NDFIP1: variants seen among roughly 807,000 people sequenced by gnomAD.
NDFIP1 encodes the protein Nedd4 family interacting protein 1.
In NDFIP1, 7 loss-of-function variants were observed where a neutral mutation model predicts 28.8. The ratio of observed to expected loss-of-function variants is 0.24; its 90% CI spans 0.14 to 0.46. NDFIP1 has a LOEUF of 0.46. NDFIP1 is among the 20% of genes least tolerant of loss of function. The probability of loss-of-function intolerance (pLI) is 0.99; values close to 1 mark genes in which losing one functional copy is unlikely to be tolerated. For missense variants in NDFIP1, 194 were observed against 269.1 expected (o/e 0.72, Z 1.95); for synonymous variants, 92 against 101.0 (o/e 0.91, Z 0.53).
At chr5:142,122,510 A>G (rs1757131252) in intron 1 of NDFIP1, among the ~76,000 whole-genome samples, 1 of 152,196 alleles carries the variant, frequency 6.6e-6, no homozygotes, top group Admixed American at 6.5e-5. Context: ...TGTTGGACAT[A>G]TAACTAGGAG....
At chr5:142,119,030 A>G (rs1006635975) in intron 1 of NDFIP1, among the ~76,000 whole-genome samples, 11 of 152,208 alleles carry the variant, frequency 7.2e-5, no homozygotes, top group African/African-American at 2.7e-4. Context: ...CATTGCTTTT[A>G]GGCCTTCTAA....
At position 142,153,867 on chromosome 5, in the gene NDFIP1, C is replaced by T. The variant is rs1002241807; in HGVS notation, c.*2139C>T. On this transcript the variant is annotated 3_prime_UTR_variant, in exon 8 of 8. Coordinates refer to ENST00000253814, the MANE Select transcript of NDFIP1 (RefSeq NM_030571.4). The stretch of plus-strand genomic sequence containing the variant: ...GCCTTATTTGGTTTTGTATATTCAA[C>T]GAACTGAAATATTTGGAATTCCTAT... 3 of 152,900 alleles carry T rather than the reference C, an allele frequency of 2.0e-5. No individual in the cohort carries two copies. The highest frequency in any genetic ancestry group is 3.7e-4 in the East Asian group (2 of 5,360). 9.5% of individuals were successfully genotyped at this position (152,900 alleles called of 1,614,324 possible).
intron 2 of NDFIP1, 40 bp downstream of exon 2, chr5:142,131,935 C>A: frequency 1.4e-6 from 2 of 1,470,294 alleles, no homozygotes; most frequent in African/African-American, 1.4e-5. Flanking sequence ...TCCTTAAAAA[C>A]ACTCTGTGCT....
chr5:142,132,258 T>A lies in NDFIP1; in HGVS notation c.198T>A (p.Ser66=). The A allele has an allele frequency of 6.2e-7, 1 of 1,614,176 alleles. No homozygotes were observed. The highest frequency in any genetic ancestry group is 8.5e-7 in the Non-Finnish European group (1 of 1,180,014). The change falls in exon 3 of 8, where the codon TCT becomes TCA. Residue 66 remains serine, a synonymous_variant. Transcript: ENST00000253814. ...KDESGFPKPP[S]YNVATTLPSY... ...AGTCTGGGTTTCCAAAGCCCCCATC[T>A]TACAATGTAGCTACAACACTGCCCA...
At chr5:142,144,792 C>A in intron 7 of NDFIP1, 116 bp downstream of exon 7, 1 of 597,986 alleles carries the variant, frequency 1.7e-6, no homozygotes, top group Non-Finnish European at 2.9e-6. Flanking sequence ...GTAAAGAAGG[C>A]ACAGTCCCTG....
rs1757464804 is a variant in NDFIP1, at chr5:142,153,125, G to A, written c.*1397G>A. ...ATGTTCTCATTTGTTCTTTTTCTCA[G>A]TTGAATGCACCAACTGGTTTGAGTC... On this transcript the variant is annotated 3_prime_UTR_variant, in exon 8 of 8. Transcript: ENST00000253814. 1 of 356,946 alleles carries A rather than the reference G, an allele frequency of 2.8e-6. No homozygotes were observed. Among genetic ancestry groups the A allele is most frequent in the Non-Finnish European group, 5.5e-6 (1 of 181,358 alleles). The allele number at this position is 356,946 out of a possible 1,614,324, so 22.1% of individuals were successfully genotyped here. A position where few individuals can be genotyped will look rare whatever the true frequency, so the allele number is the denominator to read the frequency against.
Position 142,144,628 on chromosome 5 carries a change from A to C in NDFIP1, c.620A>C (p.Glu207Ala), listed in dbSNP as rs1757369683. The change falls in exon 7 of 8, where the codon GAA (glutamate) becomes GCA (alanine). Residue 207 changes from glutamate (E) to alanine (A), a missense_variant. Coordinates refer to ENST00000253814, the MANE Select transcript of NDFIP1 (RefSeq NM_030571.4). Reference protein sequence around the residue: ...INYAKVRKMPETFSNLPRTRV... With the variant: ...INYAKVRKMPATFSNLPRTRV... ...TATGCAAAAGTTCGGAAGATGCCAG[A>C]AACTTTCTCAAATCTCCCCAGGACC... 3 of 1,613,126 alleles carry C rather than the reference A, an allele frequency of 1.9e-6. No individual in the cohort carries two copies. The highest frequency in any genetic ancestry group is 1.3e-5 in the African/African-American group (1 of 74,906).
At chr5:142,127,273 C>T (rs13158902) in intron 1 of NDFIP1, among the ~76,000 whole-genome samples, 2 of 152,168 alleles carry the variant, frequency 1.3e-5, no homozygotes, top group East Asian at 3.9e-4. Flanking sequence ...ACCTCAGCCT[C>T]CCAAAGTGCT....
At chr5:142,140,293 A>G (rs1327483594) in intron 5 of NDFIP1, among the ~76,000 whole-genome samples, 10 of 152,008 alleles carry the variant, frequency 6.6e-5, no homozygotes, top group African/African-American at 2.4e-4. Context: ...TACTAAAAAT[A>G]TAAAGTTAGC....
In NDFIP1 at chr5:142,125,727, C is replaced by T. The variant is rs544534083; in HGVS notation, c.64-6081C>T. 2.0e-5 allele frequency among the ~76,000 whole-genome samples: 3 copies of T among 152,314 alleles called. No homozygotes were observed. The East Asian group carries it at 5.8e-4, about 29-fold the overall frequency. ...GCAGCTGTACCATTTTACATTCCCACCAGCAGTGTATTAGAGTTCCCGTTT... is the reference window on the plus strand; with the variant it reads ...GCAGCTGTACCATTTTACATTCCCATCAGCAGTGTATTAGAGTTCCCGTTT... On this transcript the variant is annotated intron_variant, in intron 1 of 7. Coordinates refer to ENST00000253814, the MANE Select transcript of NDFIP1 (RefSeq NM_030571.4).
chr5:142,118,403 A>G (rs898700250), intron 1 of NDFIP1, among the ~76,000 whole-genome samples: 3 of 151,954 alleles, frequency 2.0e-5, no homozygotes, highest in East Asian at 1.9e-4. Flanking sequence ...ATGTCCCTCA[A>G]TTGGGGTTTG....
chr5:142,135,585 T>A (rs180877932), intron 3 of NDFIP1, 145 bp from the exon 4 acceptor site: 1 of 574,196 alleles, frequency 1.7e-6, no homozygotes, highest in African/African-American at 1.9e-5. Context: ...CAAAATGGAA[T>A]TTTAAACACA....
intron 6 of NDFIP1, chr5:142,142,940 A>AAAAAAAAAAATATATATATATAT (rs60076432): frequency 2.6e-5 from 1 of 38,148 alleles, no homozygotes; most frequent in Non-Finnish European, 4.4e-5. Context: ...AAAAAAAAAA[A>AAAAAAAAAAATATATATATATAT]ATATATATAT....
chr5:142,128,434 A>G (rs1345308385), intron 1 of NDFIP1, among the ~76,000 whole-genome samples: 1 of 152,200 alleles, frequency 6.6e-6, no homozygotes. Flanking sequence ...TCTAGCGCAC[A>G]TGGTTCCTCC....
rs571026555 is a variant in NDFIP1, at chr5:142,123,058, G to T, written c.64-8750G>T. Among the ~76,000 whole-genome samples the T allele has an allele frequency of 2.0e-5, 3 of 152,022 alleles. No individual in the cohort carries two copies. In the South Asian group the frequency reaches 6.2e-4, roughly 32 times the overall value. On this transcript the variant is annotated intron_variant, in intron 1 of 7. Coordinates refer to ENST00000253814, the MANE Select transcript of NDFIP1 (RefSeq NM_030571.4). ...GCTCACTGCAACCTCTACCTCCCAG[G>T]TTGCAGTGATTCTCGTGCCTCAGCC...
At chr5:142,140,479 A>G (rs1304519383) in intron 5 of NDFIP1, 84 bp from the exon 6 acceptor site, 19 of 1,040,048 alleles carry the variant, frequency 1.8e-5, no homozygotes, top group Non-Finnish European at 2.7e-5. Context: ...TAAGTCTTGC[A>G]TTTTGTGATT....
intron 1 of NDFIP1, among the ~76,000 whole-genome samples, chr5:142,126,310 C>G (rs941623907): frequency 5.9e-5 from 9 of 152,130 alleles, no homozygotes; most frequent in Non-Finnish European, 1.3e-4. Context: ...GCAATTAACT[C>G]TAAGATAGAA....
intron 1 of NDFIP1, 119 bp from the exon 2 acceptor site, chr5:142,131,689 C>A: frequency 1.5e-6 from 1 of 672,106 alleles, no homozygotes; most frequent in South Asian, 3.0e-5. Context: ...TTGTGCATTT[C>A]AAGGCTTTCA....
intron 1 of NDFIP1, among the ~76,000 whole-genome samples, chr5:142,116,369 TC>T (rs1757068648): frequency 6.6e-6 from 1 of 150,972 alleles, no homozygotes; most frequent in Non-Finnish European, 1.5e-5. Context: ...TCTCTCTCTC[TC>T]TCTTTCTTTC....
Sources: allele counts gnomAD v4.1 joint callset (sites outside exome capture counted in the v4.1 genomes callset), GRCh38; gene constraint gnomAD v4.1.1; transcripts MANE v1.5; gene names NCBI Gene and HGNC (gene_info 2026-07-23, HGNC 2026-07-21).